The following FBXL17 variants were observed in gnomAD, a reference collection of about 807,000 sequenced individuals.
The protein encoded by FBXL17 is F-box/LRR-repeat protein 17.
In FBXL17, 22 loss-of-function variants were observed where a neutral mutation model predicts 66.2. That is an observed-to-expected ratio of 0.33 (90% CI 0.24 to 0.47). The LOEUF (loss-of-function observed/expected upper bound fraction) is 0.47, where lower values mean the gene tolerates loss of function less well. FBXL17 is among the 20% of genes least tolerant of loss of function. The pLI, the probability that FBXL17 is intolerant of heterozygous loss-of-function variation, is 1.00. For synonymous variants in FBXL17, 474 were observed against 400.5 expected, an observed-to-expected ratio of 1.18 and a Z score of -2.19; for missense variants, 878 against 948.2, an observed-to-expected ratio of 0.93 and a Z score of 0.97.
At chr5:107,955,871 A>C (rs1751647035) in intron 7 of FBXL17, among the ~76,000 whole-genome samples, 1 of 152,190 alleles carries the variant, frequency 6.6e-6, no homozygotes, top group Non-Finnish European at 1.5e-5. Context: ...AAGGTTCCTC[A>C]AAATACTAAT....
intron 7 of FBXL17, among the ~76,000 whole-genome samples, chr5:108,002,911 G>A (rs528259379): frequency 7.9e-4 from 120 of 152,220 alleles, no homozygotes; most frequent in African/African-American, 2.8e-3. Flanking sequence ...GAACAGGAAC[G>A]GTGATTAACT....
At chr5:107,965,438 AATTC>A (rs1244239945) in intron 7 of FBXL17, among the ~76,000 whole-genome samples, 1 of 152,158 alleles carries the variant, frequency 6.6e-6, no homozygotes, top group Non-Finnish European at 1.5e-5. Context: ...CTGTTAAATC[AATTC>A]ATTGTTTCGA....
At chr5:108,051,734 T>C (rs893301775) in intron 6 of FBXL17, among the ~76,000 whole-genome samples, 16 of 152,108 alleles carry the variant, frequency 1.1e-4, no homozygotes, top group African/African-American at 3.9e-4. Flanking sequence ...CCCAGGACTT[T>C]GGGAGGCTGA....
intron 7 of FBXL17, among the ~76,000 whole-genome samples, chr5:107,968,922 T>C (rs1752255474): frequency 6.6e-6 from 1 of 151,832 alleles, no homozygotes; most frequent in Non-Finnish European, 1.5e-5. Flanking sequence ...ACATCAAAAA[T>C]GGCCATGATG....
intron 6 of FBXL17, among the ~76,000 whole-genome samples, chr5:108,124,426 T>C (rs1228408814): frequency 6.6e-6 from 1 of 152,070 alleles, no homozygotes; most frequent in Non-Finnish European, 1.5e-5. Context: ...GAGGCCAGGC[T>C]GTTATAAACA....
At chr5:107,869,085 A>G (rs1008284038) in intron 8 of FBXL17, among the ~76,000 whole-genome samples, 1 of 152,194 alleles carries the variant, frequency 6.6e-6, no homozygotes. Flanking sequence ...AAGGCATCAC[A>G]AATAGCACAC....
chr5:107,878,515 G>A (rs550604601), intron 8 of FBXL17: 9 of 811,204 alleles, frequency 1.1e-5, no homozygotes, highest in Middle Eastern at 6.3e-4. Context: ...AACTGCCCGC[G>A]GTGACACAAC....
chr5:108,298,928 AAAT>A (rs1294605110), intron 4 of FBXL17: 7 of 945,212 alleles, frequency 7.4e-6, no homozygotes, highest in Non-Finnish European at 8.8e-6. Flanking sequence ...ACACTGATTT[AAAT>A]AATATTATTT....
At chr5:107,926,373 C>T (rs1481936877) in intron 7 of FBXL17, among the ~76,000 whole-genome samples, 2 of 152,070 alleles carry the variant, frequency 1.3e-5, no homozygotes, top group Non-Finnish European at 2.9e-5. Flanking sequence ...ACAGGTAGGG[C>T]TGCTAACATA....
At chr5:107,879,227 C>A in intron 8 of FBXL17, 1 of 985,320 alleles carries the variant, frequency 1.0e-6, no homozygotes, top group Non-Finnish European at 1.2e-6. Context: ...AGAATGGCTG[C>A]GGACACATAT....
At chr5:108,063,646 T>A (rs930788797) in intron 6 of FBXL17, among the ~76,000 whole-genome samples, 1 of 152,208 alleles carries the variant, frequency 6.6e-6, no homozygotes, top group South Asian at 2.1e-4. Context: ...CAGTCCTTCA[T>A]ATATACATTC....
At chr5:108,126,645 C>CTATA (rs1480867904) in intron 6 of FBXL17, among the ~76,000 whole-genome samples, 99 of 75,998 alleles carry the variant, frequency 1.3e-3, no homozygotes, top group African/African-American at 4.5e-3. Flanking sequence ...CTCTCTCTCT[C>CTATA]TCTCTCTATA....
chr5:108,360,600 T>C (rs1315954125), intron 3 of FBXL17, among the ~76,000 whole-genome samples: 1 of 152,110 alleles, frequency 6.6e-6, no homozygotes, highest in Non-Finnish European at 1.5e-5. Context: ...ATTTATTGAG[T>C]TTCTTGGACG....
chr5:108,349,524 T>C (rs561067110), intron 3 of FBXL17, among the ~76,000 whole-genome samples: 1 of 152,304 alleles, frequency 6.6e-6, no homozygotes, highest in African/African-American at 2.4e-5. Context: ...ATATAAACTA[T>C]ATTATTATAA....
chr5:108,241,630 G>A, intron 4 of FBXL17, among the ~76,000 whole-genome samples: 1 of 152,014 alleles, frequency 6.6e-6, no homozygotes, highest in Non-Finnish European at 1.5e-5. Context: ...CAATATTCAA[G>A]CACAAAAAGA....
chr5:107,995,748 TTAAA>T (rs1554055496), intron 7 of FBXL17, among the ~76,000 whole-genome samples: 1 of 118,392 alleles, frequency 8.4e-6, no homozygotes, highest in South Asian at 2.5e-4. Context: ...ATTAAATAAA[TTAAA>T]TAAGTAGTAT....
intron 4 of FBXL17, among the ~76,000 whole-genome samples, chr5:108,230,519 A>G (rs954580505): frequency 2.6e-5 from 4 of 152,176 alleles, no homozygotes; most frequent in Non-Finnish European, 5.9e-5. Flanking sequence ...GAGCTAAGCT[A>G]TGAGGATGCA....
chr5:108,334,499 C>A (rs1332150909), intron 4 of FBXL17, among the ~76,000 whole-genome samples: 1 of 152,174 alleles, frequency 6.6e-6, no homozygotes, highest in African/African-American at 2.4e-5. Context: ...CGATGTGCTG[C>A]CAACAGAATG....
At chr5:107,863,724 A>G (rs1748198566) in intron 8 of FBXL17, among the ~76,000 whole-genome samples, 1 of 152,254 alleles carries the variant, frequency 6.6e-6, no homozygotes, top group Non-Finnish European at 1.5e-5. Context: ...CAAATAAAAA[A>G]TAGAAATCCA....
Sources: gnomAD v4.1 joint callset for allele counts (sites outside exome capture counted in the v4.1 genomes callset) on GRCh38, gnomAD v4.1.1 for gene constraint, MANE v1.5 for transcripts, NCBI Gene and HGNC (gene_info 2026-07-23, HGNC 2026-07-21) for gene names.